Variants in RNF220 observed in about 807,000 individuals in gnomAD.
RNF220 encodes the protein ring finger protein 220.
Under a neutral mutation model 67.1 loss-of-function variants are expected in RNF220, and 7 were observed. The observed-to-expected ratio is 0.10, with a 90% CI of 0.06 to 0.20. RNF220 has a LOEUF of 0.20. Ranked by LOEUF, RNF220 falls within the 10% of genes least tolerant of loss-of-function variation. The probability of loss-of-function intolerance (pLI) is 1.00; values close to 1 mark genes in which losing one functional copy is unlikely to be tolerated. For missense variants in RNF220, 565 were observed against 740.3 expected (o/e 0.76, Z 2.75); for synonymous variants, 270 against 283.2 (o/e 0.95, Z 0.47).
At chr1:44,648,552 C>G (rs1191229739) in intron 12 of RNF220, 4 of 152,186 alleles carry the variant, frequency 2.6e-5, no homozygotes. Flanking sequence ...ATTCCCTGTT[C>G]AGCAGTGCAG....
chr1:44,432,063 G>A (rs1323596989), intron 2 of RNF220, among the ~76,000 whole-genome samples: 3 of 152,038 alleles, frequency 2.0e-5, no homozygotes, highest in South Asian at 2.1e-4. Flanking sequence ...TCCCCTTACC[G>A]TGGCTTCTGC....
At chr1:44,525,359 G>T (rs12124022) in intron 2 of RNF220, among the ~76,000 whole-genome samples, 22,589 of 152,156 alleles carry the variant, frequency 0.15, 2,142 homozygotes, top group Admixed American at 0.22. Flanking sequence ...CGTCCTGCAC[G>T]CCTAGCACAG....
chr1:44,564,007 G>T (rs7525212), intron 2 of RNF220, among the ~76,000 whole-genome samples: 46,841 of 151,912 alleles, frequency 0.31, 8,106 homozygotes, highest in African/African-American at 0.47. Context: ...GATACCTATC[G>T]TGTGAGAATG....
chr1:44,504,393 C>T (rs1307818311), intron 2 of RNF220, among the ~76,000 whole-genome samples: 1 of 152,122 alleles, frequency 6.6e-6, no homozygotes, highest in East Asian at 1.9e-4. Flanking sequence ...TTTTAAGGAC[C>T]CCGTTATCTG....
At chr1:44,465,181 C>G (rs529757377) in intron 2 of RNF220, among the ~76,000 whole-genome samples, 29 of 152,230 alleles carry the variant, frequency 1.9e-4, no homozygotes, top group African/African-American at 7.0e-4. Context: ...TCTTTAGTCA[C>G]AGCTGTGTTG....
At position 44,549,926 on chromosome 1, in the gene RNF220, A is replaced by T. The variant is rs1052763204; in HGVS notation, c.626-64239A>T. Among the ~76,000 whole-genome samples the T allele has an allele frequency of 2.6e-5, 4 of 152,234 alleles. No homozygotes were observed. In the East Asian group the frequency reaches 7.7e-4, roughly 29 times the overall value. On this transcript the variant is annotated intron_variant, in intron 2 of 14. Coordinates refer to ENST00000361799, the MANE Select transcript of RNF220 (RefSeq NM_018150.4). ...CAGATTTCATTGGTTTATTTATCCT[A>T]CGCCTGGGCTCCATCTGTCCTGTCT...
At chr1:44,504,714 C>T (rs944959588) in intron 2 of RNF220, among the ~76,000 whole-genome samples, 1 of 152,210 alleles carries the variant, frequency 6.6e-6, no homozygotes, top group African/African-American at 2.4e-5. Context: ...ACCTGTGTCT[C>T]ATTGGCATCA....
intron 2 of RNF220, among the ~76,000 whole-genome samples, chr1:44,434,704 G>C (rs879411000): frequency 7.4e-6 from 1 of 134,620 alleles, no homozygotes; most frequent in Non-Finnish European, 1.6e-5. Context: ...GCGACAGAGC[G>C]AGACTCTCTT....
chr1:44,405,942 T>C (rs1260562516), intron 1 of RNF220, among the ~76,000 whole-genome samples: 1 of 152,284 alleles, frequency 6.6e-6, no homozygotes, highest in East Asian at 1.9e-4. Flanking sequence ...TTCGGGTCGA[T>C]ATCGAGAATG....
chr1:44,458,841 G>C (rs1653464984), intron 2 of RNF220, among the ~76,000 whole-genome samples: 1 of 152,238 alleles, frequency 6.6e-6, no homozygotes. Flanking sequence ...TGGCCTGCCA[G>C]CCGTGAGCAT....
intron 2 of RNF220, among the ~76,000 whole-genome samples, chr1:44,546,363 C>T (rs1399123750): frequency 2.0e-5 from 3 of 152,146 alleles, no homozygotes; most frequent in South Asian, 2.1e-4. Flanking sequence ...TCACCTCCAC[C>T]GCAACATCTG....
At chr1:44,583,011 AAAG>A (rs61087324) in intron 2 of RNF220, among the ~76,000 whole-genome samples, 3,458 of 152,084 alleles carry the variant, frequency 0.023, 140 homozygotes, top group African/African-American at 0.078. Context: ...CATTTCCAAA[AAAG>A]AAGAAGAAGA....
At chr1:44,461,233 A>G (rs1451208290) in intron 2 of RNF220, among the ~76,000 whole-genome samples, 1 of 152,210 alleles carries the variant, frequency 6.6e-6, no homozygotes, top group Non-Finnish European at 1.5e-5. Flanking sequence ...AGGTAAAACC[A>G]GGATTTTTAT....
chr1:44,552,563 CTTCTTTT>C (rs1330994235), intron 2 of RNF220, among the ~76,000 whole-genome samples: 4 of 71,330 alleles, frequency 5.6e-5, no homozygotes, highest in African/African-American at 9.9e-5. Context: ...TTCTAAACTT[CTTCTTTT>C]TTTTTTTTTT....
chr1:44,518,317 C>A (rs1052494534), intron 2 of RNF220, among the ~76,000 whole-genome samples: 2 of 152,064 alleles, frequency 1.3e-5, no homozygotes, highest in African/African-American at 4.8e-5. Context: ...CCCAGCTACT[C>A]AGGAATCTGA....
At chr1:44,543,000 C>A (rs1297847198) in intron 2 of RNF220, among the ~76,000 whole-genome samples, 1 of 152,126 alleles carries the variant, frequency 6.6e-6, no homozygotes, top group East Asian at 1.9e-4. Flanking sequence ...GGCAGTGTTG[C>A]TAGGTGCGGT....
chr1:44,617,062 C>A (rs1176966346), intron 3 of RNF220, among the ~76,000 whole-genome samples: 2 of 152,238 alleles, frequency 1.3e-5, no homozygotes, highest in Non-Finnish European at 2.9e-5. Flanking sequence ...GCATCTGTAC[C>A]CCTCACGTCG....
intron 2 of RNF220, among the ~76,000 whole-genome samples, chr1:44,554,244 C>T (rs1662894541): frequency 6.6e-6 from 1 of 152,026 alleles, no homozygotes; most frequent in South Asian, 2.1e-4. Context: ...TCAGGCTTCA[C>T]CCAGGACAGA....
At chr1:44,507,529 G>A (rs1287926590) in intron 2 of RNF220, among the ~76,000 whole-genome samples, 5 of 151,926 alleles carry the variant, frequency 3.3e-5, no homozygotes, top group Admixed American at 2.6e-4. Flanking sequence ...GGGGTTGGTC[G>A]GGGTAATCCA....
Sources: gnomAD v4.1 joint callset for allele counts (sites outside exome capture counted in the v4.1 genomes callset) on GRCh38, gnomAD v4.1.1 for gene constraint, MANE v1.5 for transcripts, NCBI Gene and HGNC (gene_info 2026-07-23, HGNC 2026-07-21) for gene names.